The following PTPRS variants were observed in gnomAD, a reference collection of about 807,000 sequenced individuals.
PTPRS encodes protein tyrosine phosphatase receptor type S, also known as receptor-type tyrosine-protein phosphatase S.
In PTPRS, 63 loss-of-function variants were observed where a neutral mutation model predicts 215.3. The ratio of observed to expected loss-of-function variants is 0.29; its 90% CI spans 0.24 to 0.36. PTPRS has a LOEUF of 0.36. Among genes scored for constraint, PTPRS ranks in the 10% least tolerant of loss-of-function variants. PTPRS has a pLI of 1.00. For missense variants in PTPRS, 2,258 were observed against 2,825.8 expected (o/e 0.80, Z 4.56); for synonymous variants, 1,404 against 1,191.4 (o/e 1.18, Z -3.68).
chr19:5,328,375 G>A (rs925279240), intron 1 of PTPRS, among the ~76,000 whole-genome samples: 1 of 151,990 alleles, frequency 6.6e-6, no homozygotes, highest in African/African-American at 2.4e-5. Flanking sequence ...CTCCCAAAGC[G>A]CTGGGATTAC....
chr19:5,216,594 A>C lies in PTPRS; in HGVS notation c.4096+126T>G, dbSNP rs575199357. On this transcript the variant is annotated intron_variant, in intron 26 of 37. Transcript: ENST00000262963. ...GCCCTCTTCCAGGAGCCAGCACAAG[A>C]CAGGTGGGCAAAGGCCGGTGATGGG... The C allele has an allele frequency of 7.3e-6, 6 of 823,956 alleles. No individual in the cohort carries two copies. The Admixed American group carries it at 1.4e-4, about 19-fold the overall frequency. The allele number at this position is 823,956 out of a possible 1,614,324, so 51.0% of individuals were successfully genotyped here.
At chr19:5,240,389 GC>G in intron 11 of PTPRS, 57 bp from the exon 12 acceptor site, 2 of 1,481,712 alleles carry the variant, frequency 1.3e-6, no homozygotes, top group Non-Finnish European at 9.0e-7. Context: ...CACAAAGGGG[GC>G]CCCACCTGCT....
intron 35 of PTPRS, among the ~76,000 whole-genome samples, chr19:5,208,806 T>A (rs1208788441): frequency 6.6e-6 from 1 of 152,142 alleles, no homozygotes; most frequent in Non-Finnish European, 1.5e-5. Context: ...CTGTATGACA[T>A]CCAGCACCTC....
In PTPRS at chr19:5,244,410, G is replaced by A. The variant is rs2044296570; in HGVS notation, c.1061C>T (p.Ser354Leu). The change falls in exon 11 of 38, where the codon TCG becomes TTG. Residue 354 changes from serine (S) to leucine (L), a missense_variant. Around this residue, in one of 6 missense-constraint regions of PTPRS, gnomAD observed 508 missense variants for 799.4 expected, o/e 0.64. Transcript: ENST00000262963. This position sits in a 1 kb window ranked among gnomAD's most constrained non-coding sequence, Gnocchi z 7.2. ...TATSITITWD[S>L]GNPDPVSYYV... is the part of the protein sequence containing the mutation. Reference sequence around the variant, plus strand: ...ATAGGACACAGGATCTGGGTTGCCCGAGTCCCACGTGATGGTGATGCTGGT... The same window carrying A: ...ATAGGACACAGGATCTGGGTTGCCCAAGTCCCACGTGATGGTGATGCTGGT... The A allele has an allele frequency of 1.2e-6, 2 of 1,614,184 alleles. No individual in the cohort carries two copies. The highest frequency in any genetic ancestry group is 1.7e-6 in the Non-Finnish European group (2 of 1,180,032).
intron 6 of PTPRS, among the ~76,000 whole-genome samples, chr19:5,262,450 C>G (rs980669919): frequency 1.3e-5 from 2 of 152,158 alleles, no homozygotes; most frequent in African/African-American, 2.4e-5. Context: ...AGTCCCACAA[C>G]TGATTTCAGG....
intron 4 of PTPRS, among the ~76,000 whole-genome samples, chr19:5,269,921 C>CCAAA (rs2046760770): frequency 1.2e-5 from 1 of 82,628 alleles, no homozygotes; most frequent in Non-Finnish European, 2.3e-5. Flanking sequence ...AACTCCATCT[C>CCAAA]AAAAAAAAAA....
At chr19:5,340,528 C>G (rs1254780104) in intron 1 of PTPRS, 136 bp downstream of exon 1, 1 of 151,650 alleles carries the variant, frequency 6.6e-6, no homozygotes, top group Non-Finnish European at 1.5e-5. Flanking sequence ...GAGCATCCTC[C>G]GAGCACAATG....
At position 5,338,692 on chromosome 19, in the gene PTPRS, A is replaced by AG. The variant is rs1182221354; in HGVS notation, c.-95+1971dup. The stretch of plus-strand genomic sequence containing the variant: ...GAAGGCAGGCGCGATTGGCAGGGGG[A>AG]GGGGGGCACAAAGGAAGGGACCCTG... On this transcript the variant is annotated intron_variant, in intron 1 of 37. Transcript: ENST00000262963. The surrounding 1 kb of genome is among the most constrained non-coding windows in gnomAD (Gnocchi z 4.2). 2.1e-5 allele frequency among the ~76,000 whole-genome samples: 3 copies of AG among 142,216 alleles called. No homozygotes were observed. Among genetic ancestry groups the AG allele is most frequent in the Admixed American group, 7.0e-5 (1 of 14,300 alleles). 93.3% of individuals were successfully genotyped at this position (142,216 alleles called of 152,430 possible). A position where few individuals can be genotyped will look rare whatever the true frequency, so the allele number is the denominator to read the frequency against.
intron 9 of PTPRS, among the ~76,000 whole-genome samples, chr19:5,247,064 G>A (rs892106102): frequency 9.9e-5 from 15 of 151,636 alleles, no homozygotes; most frequent in African/African-American, 3.4e-4. Flanking sequence ...GACAGAGAGC[G>A]GGAGGGGCAG....
intron 7 of PTPRS, among the ~76,000 whole-genome samples, chr19:5,258,758 T>TA (rs1049537493): frequency 2.6e-5 from 4 of 152,294 alleles, no homozygotes; most frequent in Middle Eastern, 6.8e-3. Context: ...GCAGCTAAAG[T>TA]AAAAAAACGT....
At chr19:5,283,253 C>A (rs1381482036) in intron 2 of PTPRS, among the ~76,000 whole-genome samples, 1 of 150,960 alleles carries the variant, frequency 6.6e-6, no homozygotes, top group Non-Finnish European at 1.5e-5. Context: ...TTCCCCTATG[C>A]CTGTAACCCC....
intron 11 of PTPRS, among the ~76,000 whole-genome samples, chr19:5,240,771 G>A (rs931573938): frequency 4.0e-5 from 6 of 151,236 alleles, no homozygotes; most frequent in African/African-American, 9.7e-5. Context: ...CCCGGGAGGC[G>A]GAGCTTGCAG....
Position 5,210,564 on chromosome 19 carries a change from G to C in PTPRS, c.5392C>G (p.Arg1798Gly). 1.2e-6 allele frequency: 2 copies of C among 1,614,188 alleles called. No individual in the cohort carries two copies. Among genetic ancestry groups the C allele is most frequent in the Non-Finnish European group, 1.7e-6 (2 of 1,180,030 alleles). Residue 1798 changes from arginine (R) to glycine (G), a missense_variant, in exon 35 of 38, where the codon CGC (arginine) becomes GGC (glycine). Arg to Gly is a moderately radical substitution (Grantham distance 125). This residue lies in a region of PTPRS where 927 missense variants were observed against 1,125.9 expected (regional missense o/e 0.82). Coordinates refer to ENST00000262963, the MANE Select transcript of PTPRS (RefSeq NM_002850.4). This position sits in a 1 kb window ranked among gnomAD's most constrained non-coding sequence, Gnocchi z 4.5. ...ACAAAGTACTGGTAGCGGGCAGAGC[G>C]CTCGGCCGGCCAGTACTGGTGACAC... ...EKCHQYWPAE[R>G]SARYQYFVVD... is the part of the protein sequence containing the mutation.
chr19:5,263,848 G>C (rs185139264), intron 5 of PTPRS, among the ~76,000 whole-genome samples: 1 of 152,356 alleles, frequency 6.6e-6, no homozygotes, highest in East Asian at 1.9e-4. Context: ...TCCGGGCGGG[G>C]GAAGGGAGGC....
At position 5,237,347 on chromosome 19, in the gene PTPRS, C is replaced by A. The variant is rs1391707427; in HGVS notation, c.1849+1572G>T. 6.6e-6 allele frequency among the ~76,000 whole-genome samples: 1 copy of A among 152,238 alleles called. No individual in the cohort carries two copies. The stretch of plus-strand genomic sequence containing the variant: ...CTTTGCTGTCGGTTCTCCTGGGCCC[C>A]ACCCGTCTCGGGGCAAGAAGCGGGG... On this transcript the variant is annotated intron_variant, in intron 13 of 37. Coordinates refer to ENST00000262963, the MANE Select transcript of PTPRS (RefSeq NM_002850.4). The surrounding 1 kb of genome is among the most constrained non-coding windows in gnomAD (Gnocchi z 4.2).
Position 5,229,299 on chromosome 19 carries a change from C to T in PTPRS, c.2376+17G>A. On this transcript the variant is annotated intron_variant, in intron 16 of 37. Coordinates refer to ENST00000262963, the MANE Select transcript of PTPRS (RefSeq NM_002850.4). ...GAAGCGCACAGCAGTAGGTGGGTGG[C>T]CAGGGGCGCTACTTACATATTCGGC... The T allele has an allele frequency of 7.3e-7, 1 of 1,378,754 alleles. No homozygotes were observed. The highest frequency in any genetic ancestry group is 3.1e-5 in the Admixed American group (1 of 32,352). The allele number at this position is 1,378,754 out of a possible 1,614,324, so 85.4% of individuals were successfully genotyped here.
At chr19:5,224,915 G>T (rs1440193974) in intron 17 of PTPRS, among the ~76,000 whole-genome samples, 1 of 152,110 alleles carries the variant, frequency 6.6e-6, no homozygotes, top group Non-Finnish European at 1.5e-5. Flanking sequence ...CCCGAGGAGA[G>T]GGTGGGTGTG....
rs755464110 is a variant in PTPRS at position 5,214,543 on chromosome 19, G to A, written c.4494+18C>T. ...GCTGACTGGCAGGGGCTTGAGGGCCGTGGGGTCCAAGGCTCACCCGTGACT... is the reference window on the plus strand; with the variant it reads ...GCTGACTGGCAGGGGCTTGAGGGCCATGGGGTCCAAGGCTCACCCGTGACT... On this transcript the variant is annotated intron_variant, in intron 29 of 37. Transcript: ENST00000262963. 24 of 1,611,876 alleles carry A rather than the reference G, an allele frequency of 1.5e-5. No individual in the cohort carries two copies. The highest frequency in any genetic ancestry group is 1.4e-4 in the South Asian group (13 of 91,064).
chr19:5,231,278 C>CG (rs760374980), intron 14 of PTPRS, 32 bp downstream of exon 14: 8 of 1,566,862 alleles, frequency 5.1e-6, no homozygotes, highest in African/African-American at 1.3e-5. Context: ...CTGGGGCCTG[C>CG]GGGGGGTCCC....
Sources: allele counts gnomAD v4.1 joint callset (sites outside exome capture counted in the v4.1 genomes callset), GRCh38; gene constraint gnomAD v4.1.1; regional missense constraint gnomAD v4.1.1; non-coding constraint Gnocchi (gnomAD v3.1); transcripts MANE v1.5; gene names NCBI Gene and HGNC (gene_info 2026-07-23, HGNC 2026-07-21).